The following ITGB3BP variants were observed in gnomAD, a reference collection of about 807,000 sequenced individuals.
The protein encoded by ITGB3BP is integrin subunit beta 3 binding protein.
Under a neutral mutation model 29.1 loss-of-function variants are expected in ITGB3BP, and 27 were observed. The observed-to-expected ratio is 0.93, with a 90% CI of 0.68 to 1.28. ITGB3BP has a LOEUF of 1.28. Among genes scored for constraint, ITGB3BP ranks in the 50% most tolerant of loss-of-function variants. ITGB3BP has a pLI of 0.00. For synonymous variants in ITGB3BP, 61 were observed against 61.4 expected (o/e 0.99, Z 0.03); for missense variants, 192 against 200.2 (o/e 0.96, Z 0.25).
chr1:63,451,418 AAAAT>A (rs973515810), intron 7 of ITGB3BP, among the ~76,000 whole-genome samples: 1 of 151,986 alleles, frequency 6.6e-6, no homozygotes, highest in Non-Finnish European at 1.5e-5. Context: ...TAGCATAATA[AAAAT>A]AAATAAATAA....
At chr1:63,455,510 T>C (rs757542415) in intron 4 of ITGB3BP, among the ~76,000 whole-genome samples, 1 of 152,092 alleles carries the variant, frequency 6.6e-6, no homozygotes, top group Non-Finnish European at 1.5e-5. Flanking sequence ...AGTGGTGTGA[T>C]CATGGCTCAC....
intron 4 of ITGB3BP, among the ~76,000 whole-genome samples, chr1:63,473,546 A>C (rs2100595898): frequency 8.5e-6 from 1 of 117,914 alleles, no homozygotes; most frequent in South Asian, 3.3e-4. Flanking sequence ...CCGCCCGGCC[A>C]GCTGCCCCAT....
intron 2 of ITGB3BP, among the ~76,000 whole-genome samples, chr1:63,505,810 G>C (rs1244082859): frequency 2.0e-5 from 3 of 152,258 alleles, no homozygotes; most frequent in African/African-American, 7.2e-5. Flanking sequence ...CAGTTTCCAT[G>C]TAGTTGAGCG....
At chr1:63,502,833 G>C (rs1336536774) in intron 2 of ITGB3BP, among the ~76,000 whole-genome samples, 1 of 152,058 alleles carries the variant, frequency 6.6e-6, no homozygotes, top group Non-Finnish European at 1.5e-5. Flanking sequence ...TCCCTACAAA[G>C]GACATGAACT....
chr1:63,478,470 C>T (rs1645380153), intron 4 of ITGB3BP, among the ~76,000 whole-genome samples: 2 of 152,338 alleles, frequency 1.3e-5, no homozygotes, highest in South Asian at 4.1e-4. Flanking sequence ...ACTTCTCCAT[C>T]CATGTAAATC....
intron 3 of ITGB3BP, among the ~76,000 whole-genome samples, chr1:63,486,643 A>C (rs1645536227): frequency 6.6e-6 from 1 of 152,060 alleles, no homozygotes; most frequent in African/African-American, 2.4e-5. Flanking sequence ...CTTAATCTAC[A>C]GTACATATCA....
At chr1:63,493,088 A>ACGCACGCGCG (rs1553164247) in intron 2 of ITGB3BP, among the ~76,000 whole-genome samples, 1 of 148,726 alleles carries the variant, frequency 6.7e-6, no homozygotes, top group African/African-American at 2.5e-5. Context: ...ACACACACAC[A>ACGCACGCGCG]CGCGCGCGCG....
At chr1:63,512,988 C>G (rs995287733) in intron 1 of ITGB3BP, among the ~76,000 whole-genome samples, 5 of 152,100 alleles carry the variant, frequency 3.3e-5, no homozygotes, top group Non-Finnish European at 7.4e-5. Context: ...TCAATTTGGG[C>G]CTATCTGATA....
At chr1:63,479,955 A>G (rs1478273465) in intron 3 of ITGB3BP, among the ~76,000 whole-genome samples, 1 of 152,198 alleles carries the variant, frequency 6.6e-6, no homozygotes, top group Non-Finnish European at 1.5e-5. Flanking sequence ...CTTTGAATAT[A>G]TACTCAGTAG....
chr1:63,441,609 C>A (rs1017890077), intron 8 of ITGB3BP, among the ~76,000 whole-genome samples: 1 of 151,994 alleles, frequency 6.6e-6, no homozygotes, highest in Non-Finnish European at 1.5e-5. Context: ...GTATTCTTTA[C>A]CTTATGTGAC....
chr1:63,525,783 C>T, upstream of ITGB3BP: 1 of 1,470,368 alleles, frequency 6.8e-7, no homozygotes, highest in Non-Finnish European at 9.1e-7. Flanking sequence ...ATTTTTAAAT[C>T]TTTCACCTTT....
At chr1:63,481,638 G>C (rs1339650538) in intron 3 of ITGB3BP, among the ~76,000 whole-genome samples, 1 of 152,132 alleles carries the variant, frequency 6.6e-6, no homozygotes, top group Non-Finnish European at 1.5e-5. Flanking sequence ...ATTCATAATT[G>C]TATTTGAGCT....
intron 8 of ITGB3BP, among the ~76,000 whole-genome samples, chr1:63,441,449 G>A (rs939154524): frequency 1.3e-5 from 2 of 152,052 alleles, no homozygotes; most frequent in African/African-American, 4.8e-5. Flanking sequence ...TGTTGGCCAG[G>A]CTGGTCTTGA....
At chr1:63,443,182 G>C (rs946050185) in intron 8 of ITGB3BP, 4 of 152,344 alleles carry the variant, frequency 2.6e-5, no homozygotes, top group Admixed American at 2.6e-4. Context: ...GATATCAGGA[G>C]TACTGTCAGG....
intron 1 of ITGB3BP, among the ~76,000 whole-genome samples, chr1:63,514,285 T>G (rs1646262811): frequency 6.6e-6 from 1 of 152,224 alleles, no homozygotes; most frequent in South Asian, 2.1e-4. Flanking sequence ...TGGTTTTAGT[T>G]TTTAGCCATT....
At chr1:63,474,682 TGCTTGAAGGCAGCATGCTCGTTAA>T (rs1436254654) in intron 4 of ITGB3BP, among the ~76,000 whole-genome samples, 1 of 151,980 alleles carries the variant, frequency 6.6e-6, no homozygotes, top group Non-Finnish European at 1.5e-5. Flanking sequence ...GTTAAACAGA[TGCTTGAAGGCAGCATGCTCGTTAA>T]GAGTCATCAC....
intron 1 of ITGB3BP, among the ~76,000 whole-genome samples, 168 bp from the exon 2 acceptor site, chr1:63,508,738 AGG>A (rs1445886042): frequency 6.6e-6 from 1 of 152,114 alleles, no homozygotes; most frequent in Admixed American, 6.5e-5. Flanking sequence ...TTATGATGAC[AGG>A]TTTGATTCTA....
upstream of ITGB3BP, among the ~76,000 whole-genome samples, chr1:63,525,050 A>G (rs1207819774): frequency 6.6e-6 from 1 of 152,200 alleles, no homozygotes; most frequent in Non-Finnish European, 1.5e-5. Flanking sequence ...GGTGTCAACT[A>G]CCACTCATAT....
At chr1:63,484,727 C>G (rs917777525) in intron 3 of ITGB3BP, among the ~76,000 whole-genome samples, 2 of 152,094 alleles carry the variant, frequency 1.3e-5, no homozygotes, top group Admixed American at 6.6e-5. Context: ...TTGACCACAG[C>G]TCATTAGATA....
Sources: gnomAD v4.1 joint callset for allele counts (sites outside exome capture counted in the v4.1 genomes callset) on GRCh38, gnomAD v4.1.1 for gene constraint, MANE v1.5 for transcripts, NCBI Gene and HGNC (gene_info 2026-07-23, HGNC 2026-07-21) for gene names.